EIF2AK3: variants seen among roughly 807,000 people sequenced by gnomAD.
EIF2AK3 encodes eukaryotic translation initiation factor 2-alpha kinase 3.
A neutral mutation model predicts 113.5 loss-of-function variants in EIF2AK3; 50 were observed. The observed-to-expected ratio is 0.44, with a 90% confidence interval of 0.35 to 0.56. The LOEUF is 0.56. Among genes scored for constraint, EIF2AK3 ranks in the 20% least tolerant of loss-of-function variants. The pLI, the probability that EIF2AK3 is intolerant of heterozygous loss-of-function variation, is 0.00. For missense variants in EIF2AK3, 1,185 were observed against 1,378.0 expected (o/e 0.86, Z 2.22); for synonymous variants, 448 against 495.4 (o/e 0.90, Z 1.27).
intron 2 of EIF2AK3, among the ~76,000 whole-genome samples, chr2:88,606,199 C>T (rs554081269): frequency 2.0e-5 from 3 of 151,984 alleles, no homozygotes; most frequent in Non-Finnish European, 4.4e-5. Flanking sequence ...ATACTTCTCA[C>T]AGTCATGATA....
intron 14 of EIF2AK3, among the ~76,000 whole-genome samples, chr2:88,569,039 C>G (rs1183165350): frequency 6.6e-6 from 1 of 152,072 alleles, no homozygotes; most frequent in Non-Finnish European, 1.5e-5. Context: ...TACAGGCATG[C>G]GTTACTATGC....
chr2:88,571,895 G>A (rs1369057359), intron 13 of EIF2AK3, among the ~76,000 whole-genome samples: 1 of 152,068 alleles, frequency 6.6e-6, no homozygotes, highest in Non-Finnish European at 1.5e-5. Flanking sequence ...CTAACCAGAG[G>A]TCTCATGGGC....
intron 3 of EIF2AK3, among the ~76,000 whole-genome samples, chr2:88,593,661 T>C (rs892680655): frequency 6.6e-6 from 1 of 152,208 alleles, no homozygotes; most frequent in Non-Finnish European, 1.5e-5. Flanking sequence ...ACTTTGGAGA[T>C]TTCCATAGAA....
Position 88,575,306 on chromosome 2 carries a change from A to G in EIF2AK3, c.2177T>C (p.Ile726Thr). The change falls in exon 13 of 17, where the codon ATT becomes ACT. Residue 726 changes from isoleucine (I) to threonine (T), a missense_variant. Physicochemically the swap from Ile to Thr is moderately conservative, Grantham distance 89. This residue lies in a region of EIF2AK3 where 877 missense variants were observed against 1,024.2 expected (regional missense o/e 0.86). Transcript: ENST00000303236. ...AGATGAACTTGTCTGGTCACAGGAA[A>G]TCCCTACTGAAAAAGACCTGCTTCT... is the stretch of plus-strand genomic sequence containing the variant. ...PQRSRSFSVG[I>T]SCDQTSSSES... The G allele has an allele frequency of 6.2e-7, 1 of 1,614,170 alleles. No individual in the cohort carries two copies. Among genetic ancestry groups the G allele is most frequent in the Non-Finnish European group, 8.5e-7 (1 of 1,180,024 alleles).
chr2:88,559,190 C>T (rs1304091278), intron 15 of EIF2AK3, among the ~76,000 whole-genome samples: 1 of 152,164 alleles, frequency 6.6e-6, no homozygotes, highest in East Asian at 1.9e-4. Context: ...TGGTCTTCCA[C>T]ATCCACAGAT....
chr2:88,601,637 G>A (rs965368225), intron 2 of EIF2AK3, among the ~76,000 whole-genome samples: 1 of 152,084 alleles, frequency 6.6e-6, no homozygotes, highest in Non-Finnish European at 1.5e-5. Context: ...GGCACATAGT[G>A]TTTGCATGCC....
intron 12 of EIF2AK3, 78 bp downstream of exon 12, chr2:88,576,476 C>T: frequency 3.2e-6 from 5 of 1,583,418 alleles, no homozygotes; most frequent in Admixed American, 1.7e-5. Context: ...AAAAAAAAAT[C>T]CCTAAAGTTA....
Position 88,625,334 on chromosome 2 carries a change from C to CAG in EIF2AK3, c.308+1632_308+1633insCT, listed in dbSNP as rs1299630040. On this transcript the variant is annotated intron_variant, in intron 1 of 16. Coordinates refer to ENST00000303236, the MANE Select transcript of EIF2AK3 (RefSeq NM_004836.7). ...ACACACACACACACACACAGACATA[C>CAG]ACAGAGACAAAATGTTTTCCAAACA... Among the ~76,000 whole-genome samples, 659 of 93,684 alleles carry CAG rather than the reference C, an allele frequency of 7.0e-3. 3 individuals are homozygous for CAG. In the East Asian group the frequency reaches 0.074, roughly 10 times the overall value. 61.5% of individuals were successfully genotyped at this position (93,684 alleles called of 152,430 possible).
chr2:88,603,347 T>A (rs1241385650), intron 2 of EIF2AK3, among the ~76,000 whole-genome samples: 1 of 152,250 alleles, frequency 6.6e-6, no homozygotes, highest in Non-Finnish European at 1.5e-5. Flanking sequence ...TGACTAATGC[T>A]TTTATCACTT....
At chr2:88,586,561 C>T (rs1209644537) in intron 8 of EIF2AK3, among the ~76,000 whole-genome samples, 3 of 149,202 alleles carry the variant, frequency 2.0e-5, no homozygotes, top group Non-Finnish European at 3.0e-5. Flanking sequence ...TTTTGTACTA[C>T]GTGGTCAGAC....
Position 88,626,732 on chromosome 2 carries a change from G to A in EIF2AK3, c.308+235C>T, listed in dbSNP as rs932791924. Among the ~76,000 whole-genome samples the A allele has an allele frequency of 3.9e-5, 6 of 152,368 alleles. 1 individual carries two copies. Among genetic ancestry groups the A allele is most frequent in the Admixed American group, 6.5e-5 (1 of 15,312 alleles). The stretch of plus-strand genomic sequence containing the variant: ...AATTCCATTCTCCCGCACCTGCGAG[G>A]ATGCTGCTCTGACCCGTCGGCCAGC... On this transcript the variant is annotated intron_variant, in intron 1 of 16. Coordinates refer to ENST00000303236, the MANE Select transcript of EIF2AK3 (RefSeq NM_004836.7).
chr2:88,611,082 A>C (rs1257871756), intron 2 of EIF2AK3, among the ~76,000 whole-genome samples: 2 of 152,192 alleles, frequency 1.3e-5, no homozygotes, highest in Non-Finnish European at 2.9e-5. Context: ...AGGTCCTGAC[A>C]CCAAACAGTC....
chr2:88,594,416 C>T lies in EIF2AK3; in HGVS notation c.634-1011G>A, dbSNP rs148685950. 5.1e-4 allele frequency among the ~76,000 whole-genome samples: 77 copies of T among 152,252 alleles called. No individual in the cohort carries two copies. In the East Asian group the frequency reaches 0.014, roughly 27 times the overall value. Reference sequence around the variant, plus strand: ...TTCACCATGTTGGCCAGGCTGGTCTCGAACTCCTGGCCTCAAGTGATCCAC... The same window carrying T: ...TTCACCATGTTGGCCAGGCTGGTCTTGAACTCCTGGCCTCAAGTGATCCAC... On this transcript the variant is annotated intron_variant, in intron 3 of 16. Transcript: ENST00000303236.
chr2:88,626,549 G>A (rs1345582797), intron 1 of EIF2AK3, among the ~76,000 whole-genome samples: 2 of 152,228 alleles, frequency 1.3e-5, no homozygotes, highest in Non-Finnish European at 2.9e-5. Flanking sequence ...GAAAGAAAAT[G>A]CAGACGTCTT....
chr2:88,557,766 G>C lies in EIF2AK3; in HGVS notation c.3321C>G (p.Asn1107Lys). ...SSGTKHSRQSNNSHSPLPSN is the reference protein window; with the variant it reads ...SSGTKHSRQSKNSHSPLPSN Reference sequence around the variant, plus strand: ...TGCTTGGCAAAGGGCTATGGGAGTTGTTGGACTGTCTTGAATGTTTTGTTC... The same window carrying C: ...TGCTTGGCAAAGGGCTATGGGAGTTCTTGGACTGTCTTGAATGTTTTGTTC... Residue 1107 changes from asparagine to lysine, a missense_variant, in exon 17 of 17, where the codon AAC becomes AAG. Physicochemically the swap from Asn to Lys is moderately conservative, Grantham distance 94 (BLOSUM62 0). Around this residue, in one of 3 missense-constraint regions of EIF2AK3, gnomAD observed 877 missense variants for 1,024.2 expected, o/e 0.86. Coordinates refer to ENST00000303236, the MANE Select transcript of EIF2AK3 (RefSeq NM_004836.7). The C allele has an allele frequency of 6.2e-7, 1 of 1,614,154 alleles. No individual in the cohort carries two copies. Among genetic ancestry groups the C allele is most frequent in the Non-Finnish European group, 8.5e-7 (1 of 1,179,988 alleles).
chr2:88,601,834 C>CTTTTTTTTTGTTTT (rs1675155108), intron 2 of EIF2AK3, among the ~76,000 whole-genome samples: 1 of 74,858 alleles, frequency 1.3e-5, no homozygotes, highest in Non-Finnish European at 2.5e-5. Context: ...TAAGATTTTT[C>CTTTTTTTTTGTTTT]TTTTTTTTTT....
intron 2 of EIF2AK3, among the ~76,000 whole-genome samples, chr2:88,612,564 G>T (rs1442434134): frequency 2.0e-5 from 3 of 152,176 alleles, no homozygotes; most frequent in African/African-American, 7.2e-5. Flanking sequence ...CACTTATAAA[G>T]TCTACTCAGG....
chr2:88,622,881 C>T (rs1035582915), intron 1 of EIF2AK3, among the ~76,000 whole-genome samples: 13 of 151,890 alleles, frequency 8.6e-5, no homozygotes, highest in Admixed American at 2.0e-4. Flanking sequence ...CTTTGTAAAA[C>T]GACAGAGGAA....
chr2:88,606,306 A>T (rs545875000), intron 2 of EIF2AK3, among the ~76,000 whole-genome samples: 6 of 150,378 alleles, frequency 4.0e-5, no homozygotes, highest in South Asian at 4.1e-4. Flanking sequence ...TTCCTAAAAA[A>T]ATAAAATAAA....
Sources: allele counts gnomAD v4.1 joint callset (sites outside exome capture counted in the v4.1 genomes callset), GRCh38; gene constraint gnomAD v4.1.1; regional missense constraint gnomAD v4.1.1; transcripts MANE v1.5; gene names NCBI Gene and HGNC (gene_info 2026-07-23, HGNC 2026-07-21).